Variants in L3MBTL4 observed in about 807,000 individuals in gnomAD.
L3MBTL4 encodes the protein lethal(3)malignant brain tumor-like protein 4.
L3MBTL4 carries 70 observed loss-of-function variants against 84.5 expected under a neutral mutation model. The ratio of observed to expected loss-of-function variants is 0.83; its 90% CI spans 0.68 to 1.01. The LOEUF is 1.01. Ranked by LOEUF, L3MBTL4 falls within the 50% of genes least tolerant of loss-of-function variation. L3MBTL4 has a pLI of 0.00. For missense variants in L3MBTL4, 715 were observed against 754.8 expected (o/e 0.95, Z 0.62); for synonymous variants, 274 against 259.8 (o/e 1.05, Z -0.52).
chr18:6,007,445 T>C (rs902521803), intron 16 of L3MBTL4, among the ~76,000 whole-genome samples: 1 of 152,122 alleles, frequency 6.6e-6, no homozygotes, highest in Non-Finnish European at 1.5e-5. Context: ...TGGAAAAAAA[T>C]TCAAATGTTT....
chr18:6,383,173 A>G (rs946228814), intron 1 of L3MBTL4, among the ~76,000 whole-genome samples: 1 of 151,998 alleles, frequency 6.6e-6, no homozygotes, highest in African/African-American at 2.4e-5. Flanking sequence ...ACCAAGCTCA[A>G]GTGTCTCAGG....
intron 10 of L3MBTL4, among the ~76,000 whole-genome samples, chr18:6,218,021 C>T (rs2046396317): frequency 1.3e-5 from 2 of 151,948 alleles, no homozygotes; most frequent in Non-Finnish European, 2.9e-5. Flanking sequence ...TTTTTAAGCT[C>T]TCTTGAGGTT....
intron 16 of L3MBTL4, chr18:6,030,305 T>C (rs749107629): frequency 4.0e-5 from 39 of 985,280 alleles, no homozygotes; most frequent in Non-Finnish European, 4.7e-5. Flanking sequence ...ATCAATAATA[T>C]GCTTTTAAGC....
At chr18:6,033,419 C>T (rs185810949) in intron 16 of L3MBTL4, among the ~76,000 whole-genome samples, 22 of 152,188 alleles carry the variant, frequency 1.4e-4, no homozygotes, top group Admixed American at 1.4e-3. Flanking sequence ...TTCTTTTAAA[C>T]CTATTCTGCC....
chr18:6,197,061 T>C (rs1012541707), intron 12 of L3MBTL4, among the ~76,000 whole-genome samples: 2 of 152,224 alleles, frequency 1.3e-5, no homozygotes, highest in Non-Finnish European at 1.5e-5. Context: ...CAGATAGCTA[T>C]GGTAGTTGGT....
chr18:6,066,997 A>G (rs1226369142), intron 16 of L3MBTL4, among the ~76,000 whole-genome samples: 1 of 150,632 alleles, frequency 6.6e-6, no homozygotes, highest in Non-Finnish European at 1.5e-5. Context: ...GTTTTGGTGC[A>G]TATTTGTTTG....
At chr18:6,072,875 AAAAAAAATATATAT>A (rs2057716890) in intron 16 of L3MBTL4, among the ~76,000 whole-genome samples, 1 of 40,264 alleles carries the variant, frequency 2.5e-5, no homozygotes, top group Non-Finnish European at 4.4e-5. Flanking sequence ...CAAAAAAAAA[AAAAAAAATATATAT>A]ATATATATAT....
At chr18:6,180,031 C>A (rs2145331826) in intron 12 of L3MBTL4, among the ~76,000 whole-genome samples, 1 of 152,220 alleles carries the variant, frequency 6.6e-6, no homozygotes, top group African/African-American at 2.4e-5. Context: ...AGATCATAAG[C>A]CAGTAAATGG....
intron 16 of L3MBTL4, among the ~76,000 whole-genome samples, chr18:6,003,912 C>T (rs1252070947): frequency 6.6e-6 from 1 of 151,884 alleles, no homozygotes; most frequent in African/African-American, 2.4e-5. Flanking sequence ...TAAATGCTTA[C>T]ATTAGAAAAG....
rs1555755552 is a variant in L3MBTL4, at chr18:6,391,752, A to AACAACAACTACTACTACTACTACT, written c.-91+23048_-91+23049insAGTAGTAGTAGTAGTAGTTGTTGT. ...TACAACATCTGCAAACAACAACAAC[A>AACAACAACTACTACTACTACTACT]ACTACTACTACTACTACTACTACTA... On this transcript the variant is annotated intron_variant, in intron 1 of 18. Transcript: ENST00000317931. 6.2e-3 allele frequency among the ~76,000 whole-genome samples: 928 copies of AACAACAACTACTACTACTACTACT among 150,100 alleles called. 8 individuals are homozygous for AACAACAACTACTACTACTACTACT. Among genetic ancestry groups the AACAACAACTACTACTACTACTACT allele is most frequent in the African/African-American group, 0.022 (888 of 40,440 alleles).
intron 4 of L3MBTL4, among the ~76,000 whole-genome samples, chr18:6,296,712 G>T (rs574989650): frequency 6.6e-6 from 1 of 152,110 alleles, no homozygotes; most frequent in Non-Finnish European, 1.5e-5. Flanking sequence ...GGGAAGGGGG[G>T]TTATGAGGCA....
intron 1 of L3MBTL4, among the ~76,000 whole-genome samples, chr18:6,353,071 AGT>A (rs1156266336): frequency 1.3e-5 from 2 of 152,230 alleles, no homozygotes; most frequent in African/African-American, 4.8e-5. Context: ...AACCTAGTGC[AGT>A]GTTTCTTTAA....
intron 16 of L3MBTL4, among the ~76,000 whole-genome samples, chr18:5,982,988 C>T (rs896249889): frequency 6.6e-6 from 1 of 152,174 alleles, no homozygotes; most frequent in African/African-American, 2.4e-5. Context: ...CGGCTGAAGG[C>T]TTCATCACCT....
chr18:6,303,484 A>G (rs1171158936), intron 3 of L3MBTL4, among the ~76,000 whole-genome samples: 2 of 152,244 alleles, frequency 1.3e-5, no homozygotes, highest in East Asian at 1.9e-4. Context: ...GTGAAAATTT[A>G]GCAGCTGATT....
At chr18:6,176,596 A>G (rs535431739) in intron 12 of L3MBTL4, among the ~76,000 whole-genome samples, 52 of 152,310 alleles carry the variant, frequency 3.4e-4, no homozygotes, top group Admixed American at 9.2e-4. Flanking sequence ...CTAAAACTAC[A>G]AAACCCAAGA....
chr18:6,387,945 A>T (rs2054891944), intron 1 of L3MBTL4, among the ~76,000 whole-genome samples: 1 of 152,216 alleles, frequency 6.6e-6, no homozygotes. Context: ...TTAAGAAGTC[A>T]CAGAGGTATA....
intron 6 of L3MBTL4, 71 bp from the exon 7 acceptor site, chr18:6,243,500 T>C (rs1371601022): frequency 3.0e-6 from 4 of 1,319,956 alleles, no homozygotes; most frequent in Non-Finnish European, 4.1e-6. Flanking sequence ...ATTCACAAAA[T>C]ATTCATATAT....
intron 16 of L3MBTL4, among the ~76,000 whole-genome samples, chr18:6,073,352 A>G (rs1010003871): frequency 2.0e-5 from 3 of 152,260 alleles, no homozygotes; most frequent in African/African-American, 7.2e-5. Flanking sequence ...TCCTAGAAAA[A>G]CTAATACAAG....
At chr18:6,213,372 C>T in intron 11 of L3MBTL4, 113 bp from the exon 12 acceptor site, 1 of 586,818 alleles carries the variant, frequency 1.7e-6, no homozygotes, top group Non-Finnish European at 3.0e-6. Context: ...ATCTTCAATA[C>T]AACTGGAATT....
Sources: gnomAD v4.1 joint callset for allele counts (sites outside exome capture counted in the v4.1 genomes callset) on GRCh38, gnomAD v4.1.1 for gene constraint, MANE v1.5 for transcripts, NCBI Gene and HGNC (gene_info 2026-07-23, HGNC 2026-07-21) for gene names.